RBM27: variants seen among roughly 807,000 people sequenced by gnomAD.
The protein encoded by RBM27 is RNA-binding protein 27.
In RBM27, 22 loss-of-function variants were observed where a neutral mutation model predicts 135.3. That is an observed-to-expected ratio of 0.16 (90% CI 0.12 to 0.23). The LOEUF (loss-of-function observed/expected upper bound fraction) is 0.23, where lower values mean the gene tolerates loss of function less well. RBM27 is among the 10% of genes least tolerant of loss of function. RBM27 has a pLI of 1.00. For synonymous variants in RBM27, 481 were observed against 442.4 expected, an observed-to-expected ratio of 1.09 and a Z score of -1.10; for missense variants, 1,009 against 1,281.0, an observed-to-expected ratio of 0.79 and a Z score of 3.24.
intron 15 of RBM27, 143 bp downstream of exon 15, chr5:146,267,911 G>A: frequency 2.2e-6 from 2 of 892,160 alleles, no homozygotes; most frequent in Admixed American, 3.4e-5. Flanking sequence ...ATGTAAACTT[G>A]GAAAAAAAAG....
intron 19 of RBM27, among the ~76,000 whole-genome samples, chr5:146,274,025 C>T (rs571711322): frequency 2.6e-5 from 4 of 152,212 alleles, no homozygotes; most frequent in Non-Finnish European, 5.9e-5. Flanking sequence ...GCTCTCGTCG[C>T]CCAGGCTGGA....
intron 2 of RBM27, among the ~76,000 whole-genome samples, chr5:146,220,670 T>C (rs554226058): frequency 1.1e-4 from 17 of 152,160 alleles, no homozygotes; most frequent in Non-Finnish European, 1.6e-4. Flanking sequence ...ACATATTTTT[T>C]CCTACATTTT....
intron 1 of RBM27, among the ~76,000 whole-genome samples, chr5:146,216,831 T>A (rs1756215335): frequency 1.3e-5 from 2 of 152,084 alleles, no homozygotes; most frequent in African/African-American, 4.8e-5. Context: ...CTAATTTTTA[T>A]ATTATTTGTA....
intron 17 of RBM27, 50 bp downstream of exon 17, chr5:146,269,634 T>G: frequency 7.6e-7 from 1 of 1,309,958 alleles, no homozygotes; most frequent in South Asian, 2.0e-5. Flanking sequence ...ACATCTGCCA[T>G]GTGCTTGACA....
intron 19 of RBM27, among the ~76,000 whole-genome samples, chr5:146,272,525 C>T (rs1332894323): frequency 2.6e-5 from 4 of 152,034 alleles, no homozygotes; most frequent in African/African-American, 9.7e-5. Context: ...AGTTTGAGAC[C>T]AGCCTGGCCA....
intron 4 of RBM27, among the ~76,000 whole-genome samples, chr5:146,229,387 G>A (rs930417976): frequency 2.6e-5 from 4 of 151,996 alleles, no homozygotes; most frequent in Admixed American, 2.6e-4. Flanking sequence ...TGAATCATCA[G>A]CCTAACATCA....
intron 1 of RBM27, among the ~76,000 whole-genome samples, chr5:146,205,049 C>CTG (rs969062742): frequency 2.0e-5 from 3 of 152,222 alleles, no homozygotes; most frequent in African/African-American, 7.2e-5. Context: ...CGGCGCGCGC[C>CTG]ACCACGCCCA....
chr5:146,228,745 C>T (rs1332350781), intron 3 of RBM27, among the ~76,000 whole-genome samples: 2 of 152,092 alleles, frequency 1.3e-5, no homozygotes, highest in Non-Finnish European at 2.9e-5. Flanking sequence ...GGACTACATA[C>T]AGGTGCATCC....
At position 146,282,273 on chromosome 5, in the gene RBM27, T is replaced by G. The variant is rs564737885; in HGVS notation, c.2989-2349T>G. 5.3e-5 allele frequency among the ~76,000 whole-genome samples: 8 copies of G among 152,324 alleles called. No homozygotes were observed. In the South Asian group the frequency reaches 1.4e-3, roughly 28 times the overall value. ...CGCCCACCTCGGCCTCCCAAAGTGT[T>G]AGGATTACAGGCGTGAGCCACCGCA... is the stretch of plus-strand genomic sequence containing the variant. On this transcript the variant is annotated intron_variant, in intron 19 of 20. Coordinates refer to ENST00000265271, the MANE Select transcript of RBM27 (RefSeq NM_018989.2).
chr5:146,271,324 T>C (rs62372773), intron 18 of RBM27, among the ~76,000 whole-genome samples, 159 bp from the exon 19 acceptor site: 57,728 of 150,874 alleles, frequency 0.38, 11,577 homozygotes, highest in African/African-American at 0.49. Context: ...AGCTTGAACC[T>C]GGGAGGCAGA....
At chr5:146,240,463 A>G (rs1027807204) in intron 8 of RBM27, among the ~76,000 whole-genome samples, 3 of 151,984 alleles carry the variant, frequency 2.0e-5, no homozygotes, top group African/African-American at 7.2e-5. Flanking sequence ...AGTAGCTGGG[A>G]TTACAGTCGC....
At chr5:146,214,377 G>T (rs951839634) in intron 1 of RBM27, among the ~76,000 whole-genome samples, 1 of 152,158 alleles carries the variant, frequency 6.6e-6, no homozygotes, top group Non-Finnish European at 1.5e-5. Context: ...TGCAAATAAA[G>T]TGGCTAAAAG....
At chr5:146,259,925 A>T (rs1189432646) in intron 11 of RBM27, among the ~76,000 whole-genome samples, 1 of 129,494 alleles carries the variant, frequency 7.7e-6, no homozygotes, top group Non-Finnish European at 1.6e-5. Context: ...GTGAGCCGAG[A>T]TTGCGCCACT....
chr5:146,217,155 CG>C (rs1348151743), intron 1 of RBM27, among the ~76,000 whole-genome samples: 1 of 151,802 alleles, frequency 6.6e-6, no homozygotes, highest in Non-Finnish European at 1.5e-5. Context: ...TTAGTAGAGA[CG>C]GGGTTTCGTC....
intron 19 of RBM27, among the ~76,000 whole-genome samples, chr5:146,272,487 G>A (rs979634707): frequency 6.6e-6 from 1 of 152,156 alleles, no homozygotes; most frequent in Non-Finnish European, 1.5e-5. Context: ...GGAGGCTGAG[G>A]CAGGTGGATG....
In RBM27 at chr5:146,230,708, C is replaced by G; in HGVS notation, c.641C>G (p.Ser214Cys). ...AGTGAAAGGAATGACCTGGAGAGTTCCTATGTGCCTGTGTCTGCACCACCT... is the reference window on the plus strand; with the variant it reads ...AGTGAAAGGAATGACCTGGAGAGTTGCTATGTGCCTGTGTCTGCACCACCT... ...FKSERNDLES[S>C]YVPVSAPPPN... Residue 214 changes from serine to cysteine, a missense_variant, in exon 6 of 21, where the codon TCC becomes TGC. Ser to Cys is a moderately radical substitution (Grantham distance 112). This residue lies in a region of RBM27 where 268 missense variants were observed against 326.6 expected (regional missense o/e 0.82). Coordinates refer to ENST00000265271, the MANE Select transcript of RBM27 (RefSeq NM_018989.2). 1 of 1,613,970 alleles carries G rather than the reference C, an allele frequency of 6.2e-7. No individual in the cohort carries two copies. Among genetic ancestry groups the G allele is most frequent in the South Asian group, 1.1e-5 (1 of 91,082 alleles).
chr5:146,215,616 C>G (rs1002791650), intron 1 of RBM27, among the ~76,000 whole-genome samples: 1 of 152,024 alleles, frequency 6.6e-6, no homozygotes. Context: ...ATTTTTTTCC[C>G]CTTCTCTCCT....
chr5:146,244,859 C>CATTT (rs766229886), intron 8 of RBM27, among the ~76,000 whole-genome samples: 14 of 151,912 alleles, frequency 9.2e-5, no homozygotes, highest in South Asian at 6.2e-4. Flanking sequence ...ATTTTAAAAA[C>CATTT]ATTTATTTAT....
chr5:146,242,454 T>C (rs2126791695), intron 8 of RBM27, among the ~76,000 whole-genome samples: 1 of 152,374 alleles, frequency 6.6e-6, no homozygotes, highest in East Asian at 1.9e-4. Context: ...AGAAGTCTGC[T>C]ATGCAGAGAA....
Sources: gnomAD v4.1 joint callset for allele counts (sites outside exome capture counted in the v4.1 genomes callset) on GRCh38, gnomAD v4.1.1 for gene constraint, gnomAD v4.1.1 regional missense constraint, MANE v1.5 for transcripts, NCBI Gene and HGNC (gene_info 2026-07-23, HGNC 2026-07-21) for gene names.